Variants in NCOA1 observed in about 807,000 individuals in gnomAD.
The protein encoded by NCOA1 is Hin-2 protein.
Under a neutral mutation model 150.9 loss-of-function variants are expected in NCOA1, and 35 were observed. The observed-to-expected ratio is 0.23, with a 90% confidence interval of 0.18 to 0.31. The LOEUF is 0.31. Among genes scored for constraint, NCOA1 ranks in the 10% least tolerant of loss-of-function variants. The pLI, the probability that NCOA1 is intolerant of heterozygous loss-of-function variation, is 1.00. For synonymous variants in NCOA1, 590 were observed against 630.0 expected, an observed-to-expected ratio of 0.94 and a Z score of 0.95; for missense variants, 1,491 against 1,749.3, an observed-to-expected ratio of 0.85 and a Z score of 2.63.
intron 22 of NCOA1, among the ~76,000 whole-genome samples, chr2:24,767,290 C>T (rs1422294931): frequency 6.6e-6 from 1 of 152,190 alleles, no homozygotes; most frequent in African/African-American, 2.4e-5. Context: ...ACAGGAGACA[C>T]AAGTTTGTCA....
At chr2:24,673,710 T>A (rs1353064154) in intron 7 of NCOA1, among the ~76,000 whole-genome samples, 1 of 152,228 alleles carries the variant, frequency 6.6e-6, no homozygotes, top group East Asian at 1.9e-4. Flanking sequence ...AAGCTTATTA[T>A]ATGGCTTTGC....
intron 3 of NCOA1, among the ~76,000 whole-genome samples, chr2:24,638,180 C>CTTTTTTTTTT (rs544369191): frequency 1.1e-5 from 1 of 89,508 alleles, no homozygotes; most frequent in Non-Finnish European, 2.3e-5. Flanking sequence ...ATGAGATCAA[C>CTTTTTTTTTT]TTTTTTTTTT....
chr2:24,768,172 C>CG (rs764722176), intron 22 of NCOA1, 49 bp from the exon 23 acceptor site: 36 of 1,612,756 alleles, frequency 2.2e-5, no homozygotes, highest in South Asian at 4.4e-5. Flanking sequence ...ACTCATAAGC[C>CG]GGGGGGGCAG....
intron 8 of NCOA1, among the ~76,000 whole-genome samples, chr2:24,689,839 T>G (rs955553220): frequency 6.6e-6 from 1 of 152,200 alleles, no homozygotes; most frequent in African/African-American, 2.4e-5. Context: ...TTTCTTTTTT[T>G]CCTCCCTTTC....
chr2:24,500,551 T>C (rs1158030918), intron 1 of NCOA1, among the ~76,000 whole-genome samples: 1 of 152,240 alleles, frequency 6.6e-6, no homozygotes, highest in Non-Finnish European at 1.5e-5. Flanking sequence ...TTATTTTAAA[T>C]AGTAGACTCA....
chr2:24,714,430 T>C (rs7590949), intron 14 of NCOA1, among the ~76,000 whole-genome samples: 4,149 of 151,546 alleles, frequency 0.027, 61 homozygotes, highest in African/African-American at 0.04. Flanking sequence ...GATTTGAAAA[T>C]AGCTATTCTA....
At chr2:24,712,904 G>A (rs564320432) in intron 14 of NCOA1, among the ~76,000 whole-genome samples, 14 of 152,130 alleles carry the variant, frequency 9.2e-5, no homozygotes, top group Non-Finnish European at 1.8e-4. Context: ...GAAATTACAA[G>A]GTCCACCTCA....
chr2:24,730,315 T>G (rs1040838789), intron 17 of NCOA1, among the ~76,000 whole-genome samples: 1 of 152,246 alleles, frequency 6.6e-6, no homozygotes, highest in African/African-American at 2.4e-5. Context: ...AGACCTTTCA[T>G]TCAATTAAAT....
intron 14 of NCOA1, among the ~76,000 whole-genome samples, chr2:24,719,034 A>C (rs1040355738): frequency 3.3e-4 from 50 of 149,514 alleles, no homozygotes; most frequent in Middle Eastern, 3.4e-3. Flanking sequence ...GTCCCAAAAA[A>C]AAAAAAAAAA....
intron 11 of NCOA1, among the ~76,000 whole-genome samples, chr2:24,698,999 T>A (rs1673031254): frequency 6.6e-6 from 1 of 152,316 alleles, no homozygotes; most frequent in South Asian, 2.1e-4. Context: ...CCTAAGATTG[T>A]ATTTCACTGG....
intron 17 of NCOA1, among the ~76,000 whole-genome samples, chr2:24,733,912 C>T (rs1239304257): frequency 3.3e-5 from 5 of 152,046 alleles, no homozygotes; most frequent in East Asian, 1.9e-4. Context: ...AGGCCAGGCA[C>T]GGTGGCTCAC....
At chr2:24,511,569 T>G (rs760774006) in intron 1 of NCOA1, among the ~76,000 whole-genome samples, 12 of 152,222 alleles carry the variant, frequency 7.9e-5, no homozygotes, top group Non-Finnish European at 1.3e-4. Context: ...ATTTTAAAAT[T>G]GTGTTGTCTT....
At chr2:24,657,094 T>C (rs1670983591) in intron 4 of NCOA1, among the ~76,000 whole-genome samples, 1 of 152,220 alleles carries the variant, frequency 6.6e-6, no homozygotes, top group African/African-American at 2.4e-5. Context: ...TAAAAATGTA[T>C]ACGAGTTCCC....
Position 24,697,773 on chromosome 2 carries a change from T to C in NCOA1, c.924T>C (p.Ser308=), listed in dbSNP as rs746159436. ...TCCAACCTCAGGGCAGAGAACCATC[T>C]TATGCCAGACAGCTGTTCCAAGAAG... ...AFFQPQGREP[S]YARQLFQEVM... Residue 308 remains serine, a synonymous_variant, in exon 11 of 23, where the codon TCT becomes TCC. Transcript: ENST00000348332. 6.2e-7 allele frequency: 1 copy of C among 1,613,702 alleles called. No individual in the cohort carries two copies. The highest frequency in any genetic ancestry group is 2.2e-5 in the East Asian group (1 of 44,864).
At chr2:24,700,680 T>C (rs1673116125) in intron 11 of NCOA1, among the ~76,000 whole-genome samples, 2 of 152,196 alleles carry the variant, frequency 1.3e-5, no homozygotes, top group Non-Finnish European at 2.9e-5. Context: ...GTGTATAGTT[T>C]GGAAAAAGTT....
chr2:24,674,862 A>C (rs1484406257), intron 7 of NCOA1, among the ~76,000 whole-genome samples: 1 of 152,164 alleles, frequency 6.6e-6, no homozygotes, highest in African/African-American at 2.4e-5. Flanking sequence ...GGTCCATAAG[A>C]AAACTGCTTC....
chr2:24,763,554 A>G (rs1664895341), intron 22 of NCOA1, among the ~76,000 whole-genome samples: 1 of 151,118 alleles, frequency 6.6e-6, no homozygotes, highest in South Asian at 2.1e-4. Context: ...AAAAAAAAAA[A>G]AAATTTTGGA....
rs538051122 is a variant in NCOA1, at chr2:24,559,969, T to G, written c.-395-4326T>G. On this transcript the variant is annotated intron_variant, in intron 1 of 22. Coordinates refer to ENST00000348332, the MANE Select transcript of NCOA1 (RefSeq NM_003743.5). The stretch of plus-strand genomic sequence containing the variant: ...TGTTCTTCTCCTAGTGGCTTGAGGC[T>G]TTTTTTCTGTGTTGGAGAACAGTTG... 4.6e-5 allele frequency among the ~76,000 whole-genome samples: 7 copies of G among 152,256 alleles called. No individual in the cohort carries two copies. The East Asian group carries it at 1.3e-3, about 29-fold the overall frequency.
chr2:24,656,083 G>A (rs1479497854), intron 4 of NCOA1, among the ~76,000 whole-genome samples: 4 of 121,212 alleles, frequency 3.3e-5, no homozygotes, highest in Admixed American at 9.3e-5. Flanking sequence ...GCGAGACTCC[G>A]TCTCAAAAAA....
Sources: gnomAD v4.1 joint callset for allele counts (sites outside exome capture counted in the v4.1 genomes callset) on GRCh38, gnomAD v4.1.1 for gene constraint, MANE v1.5 for transcripts, NCBI Gene and HGNC (gene_info 2026-07-23, HGNC 2026-07-21) for gene names.